DMD: variants seen among roughly 807,000 people sequenced by gnomAD.
DMD encodes dystrophin.
Under a neutral mutation model 330.1 loss-of-function variants are expected in DMD, and 63 were observed. That is an observed-to-expected ratio of 0.19 (90% CI 0.16 to 0.24). The LOEUF (loss-of-function observed/expected upper bound fraction) is 0.24. DMD is among the 10% of genes least tolerant of loss of function. The pLI is 1.00. For missense variants in DMD, 3,344 were observed against 2,684.1 expected (o/e 1.25, Z -5.43); for synonymous variants, 1,223 against 959.8 (o/e 1.27, Z -5.07).
intron 62 of DMD, among the ~76,000 whole-genome samples, chrX:31,313,424 A>G (rs2055699548): frequency 8.9e-6 from 1 of 112,027 alleles, no homozygotes; most frequent in African/African-American, 3.2e-5. Context: ...TGGATTGGCC[A>G]CATTTGGTTA....
chrX:32,707,738 C>G (rs757488596), intron 7 of DMD, among the ~76,000 whole-genome samples: 1 of 111,773 alleles, frequency 8.9e-6, no homozygotes, highest in Non-Finnish European at 1.9e-5. Context: ...TATGTAACTT[C>G]TAAACCCAGG....
chrX:32,927,725 T>C (rs1228545410), intron 2 of DMD, among the ~76,000 whole-genome samples: 1 of 111,660 alleles, frequency 9.0e-6, no homozygotes, highest in Non-Finnish European at 1.9e-5. Context: ...AGATTCTGTA[T>C]TAATCTTTCT....
chrX:31,306,600 C>T (rs1032302960), intron 62 of DMD, among the ~76,000 whole-genome samples: 2 of 111,747 alleles, frequency 1.8e-5, no homozygotes, highest in Non-Finnish European at 3.8e-5. Context: ...TATCATTTCT[C>T]TATTTTTTGT....
At chrX:32,382,281 C>T (rs1311651845) in intron 33 of DMD, among the ~76,000 whole-genome samples, 3 of 111,516 alleles carry the variant, frequency 2.7e-5, no homozygotes, top group East Asian at 5.6e-4. Flanking sequence ...AATACCACCA[C>T]CACAAGTGCG....
At position 32,499,280 on chromosome X, in the gene DMD, T is replaced by A. The variant is rs2043804781; in HGVS notation, c.2380+2475A>T. On this transcript the variant is annotated intron_variant, in intron 19 of 78. Transcript: ENST00000357033. ...TACATATAAAATATAGTTCACAGAATTTTTTAAAATCTATAATAGCTATAC... is the reference window on the plus strand; with the variant it reads ...TACATATAAAATATAGTTCACAGAAATTTTTAAAATCTATAATAGCTATAC... Among the ~76,000 whole-genome samples the A allele has an allele frequency of 4.5e-5, 5 of 112,078 alleles. No homozygotes were observed. The South Asian group carries it at 1.8e-3, about 41-fold the overall frequency.
intron 7 of DMD, among the ~76,000 whole-genome samples, chrX:32,747,400 A>C (rs1294167455): frequency 3.6e-5 from 4 of 111,988 alleles, no homozygotes; most frequent in Non-Finnish European, 7.5e-5. Context: ...TGGCTGCAGA[A>C]TCTTGCCCAC....
intron 2 of DMD, among the ~76,000 whole-genome samples, chrX:32,891,412 C>T (rs945102377): frequency 1.8e-5 from 2 of 112,324 alleles, no homozygotes; most frequent in Non-Finnish European, 3.8e-5. Context: ...TAACTTATGA[C>T]AACAGTCCAA....
intron 43 of DMD, among the ~76,000 whole-genome samples, chrX:32,250,183 G>A (rs965594666): frequency 9.1e-6 from 1 of 110,486 alleles, no homozygotes; most frequent in East Asian, 2.9e-4. Context: ...TACTGATTGC[G>A]GAGTGTTTTT....
At chrX:32,220,133 C>T (rs1417136162) in intron 43 of DMD, among the ~76,000 whole-genome samples, 5 of 111,211 alleles carry the variant, frequency 4.5e-5, no homozygotes, top group Non-Finnish European at 9.4e-5. Flanking sequence ...GCAGGATGGA[C>T]TTTCTGCCCG....
At chrX:31,786,028 G>A (rs1436227066) in intron 50 of DMD, among the ~76,000 whole-genome samples, 3 of 111,756 alleles carry the variant, frequency 2.7e-5, no homozygotes, top group Non-Finnish European at 5.6e-5. Context: ...ATCGCCACAC[G>A]GTCTTCCACA....
intron 4 of DMD, among the ~76,000 whole-genome samples, chrX:32,844,299 G>A (rs772009081): frequency 9.2e-6 from 1 of 108,941 alleles, no homozygotes; most frequent in East Asian, 2.9e-4. Context: ...CCAGCTACTC[G>A]GGAGGCTGAG....
chrX:32,049,864 C>A (rs2147501108), intron 44 of DMD, among the ~76,000 whole-genome samples: 1 of 111,106 alleles, frequency 9.0e-6, no homozygotes, highest in Non-Finnish European at 1.9e-5. Context: ...TTTTTGTATT[C>A]TTACTGGGGT....
intron 37 of DMD, among the ~76,000 whole-genome samples, chrX:32,355,652 C>T (rs967535067): frequency 2.7e-5 from 3 of 111,215 alleles, no homozygotes; most frequent in African/African-American, 9.8e-5. Flanking sequence ...ACCAATTACA[C>T]ATGTGGAAAA....
At chrX:33,009,485 C>T (rs761527563) in intron 2 of DMD, among the ~76,000 whole-genome samples, 4 of 68,732 alleles carry the variant, frequency 5.8e-5, no homozygotes, top group Non-Finnish European at 2.6e-5. Context: ...TGTGTATACA[C>T]ATGTGTGTAT....
At chrX:32,582,041 C>G (rs1048654884) in intron 13 of DMD, among the ~76,000 whole-genome samples, 1 of 111,528 alleles carries the variant, frequency 9.0e-6, no homozygotes, top group Non-Finnish European at 1.9e-5. Context: ...CAGAAGGTAT[C>G]TACAACAAAC....
chrX:32,860,211 A>G (rs949486056), intron 2 of DMD, among the ~76,000 whole-genome samples: 2 of 112,008 alleles, frequency 1.8e-5, no homozygotes, highest in African/African-American at 6.5e-5. Flanking sequence ...TCAAAGTAAA[A>G]AAATTTGAGA....
rs1060504678 is a variant in DMD at position 32,565,768 on chromosome X, T to C, written c.1926A>G (p.Ala642=). The change falls in exon 16 of 79, where the codon GCA becomes GCG. Residue 642 remains alanine, a synonymous_variant. Transcript: ENST00000357033. The stretch of plus-strand genomic sequence containing the variant: ...AACACCGGGCAAAGTTATCCAGCCA[T>C]GCTTCCGTCTTCTGGGTCACTGACT... ...KNKSVTQKTE[A]WLDNFARCWD... is the part of the protein sequence containing the mutation. 6 of 1,211,819 alleles carry C rather than the reference T, an allele frequency of 5.0e-6. No homozygotes were observed. The highest frequency in any genetic ancestry group is 6.7e-6 in the Non-Finnish European group (6 of 895,436).
Position 31,684,535 on chromosome X carries a change from A to G in DMD, c.7661-4949T>C, listed in dbSNP as rs143583278. 5.2e-3 allele frequency among the ~76,000 whole-genome samples: 584 copies of G among 112,100 alleles called. 2 individuals carry two copies. Among genetic ancestry groups the G allele is most frequent in the Middle Eastern group, 9.1e-3 (2 of 219 alleles). ...TCTCCCTGGCTTTAGTGGTTAATTCAAAGATGGACTTATGGTTCCAAGTAA... is the reference window on the plus strand; with the variant it reads ...TCTCCCTGGCTTTAGTGGTTAATTCGAAGATGGACTTATGGTTCCAAGTAA... On this transcript the variant is annotated intron_variant, in intron 52 of 78. Transcript: ENST00000357033.
chrX:33,091,048 T>A (rs928013777), intron 1 of DMD, among the ~76,000 whole-genome samples: 2 of 111,055 alleles, frequency 1.8e-5, no homozygotes, highest in Non-Finnish European at 3.8e-5. Context: ...GAGAGAATGT[T>A]AAAGAAAACA....
Sources: gnomAD v4.1 joint callset for allele counts (sites outside exome capture counted in the v4.1 genomes callset) on GRCh38, gnomAD v4.1.1 for gene constraint, MANE v1.5 for transcripts, NCBI Gene and HGNC (gene_info 2026-07-23, HGNC 2026-07-21) for gene names.